Variants in KCNJ15 observed in about 807,000 individuals in gnomAD.
The protein encoded by KCNJ15 is ATP-sensitive inward rectifier potassium channel 15.
A neutral mutation model predicts 23.0 loss-of-function variants in KCNJ15; 14 were observed. That is an observed-to-expected ratio of 0.61 (90% confidence interval 0.40 to 0.95). KCNJ15 has a LOEUF of 0.95. Among genes scored for constraint, KCNJ15 ranks in the 40% least tolerant of loss-of-function variants. The probability of loss-of-function intolerance (pLI) is 0.00; values close to 1 mark genes in which losing one functional copy is unlikely to be tolerated. For missense variants in KCNJ15, 388 were observed against 461.8 expected, an observed-to-expected ratio of 0.84 and a Z score of 1.46; for synonymous variants, 185 against 183.2, an observed-to-expected ratio of 1.01 and a Z score of -0.08.
chr21:38,288,026 C>CTTGTTTTTTTTTTTTTTTT (rs1984110378), intron 1 of KCNJ15, among the ~76,000 whole-genome samples: 1 of 78,170 alleles, frequency 1.3e-5, no homozygotes, highest in Non-Finnish European at 2.3e-5. Context: ...TTGTTTTTTT[C>CTTGTTTTTTTTTTTTTTTT]TTTGTTTTTT....
intron 1 of KCNJ15, among the ~76,000 whole-genome samples, chr21:38,286,075 C>G (rs915689880): frequency 6.6e-5 from 10 of 152,098 alleles, no homozygotes; most frequent in African/African-American, 2.4e-4. Context: ...AACCTCGTCT[C>G]TACTAAAAAT....
intron 1 of KCNJ15, among the ~76,000 whole-genome samples, chr21:38,242,994 CA>C (rs1979115020): frequency 6.6e-6 from 1 of 152,114 alleles, no homozygotes; most frequent in Non-Finnish European, 1.5e-5. Flanking sequence ...AAGGAAGAAA[CA>C]AAGATAGGGA....
In KCNJ15 at chr21:38,299,924, C is replaced by G. The variant is rs1413754495; in HGVS notation, c.663C>G (p.Val221=). 6.2e-7 allele frequency: 1 copy of G among 1,614,070 alleles called. No homozygotes were observed. The highest frequency in any genetic ancestry group is 1.1e-5 in the South Asian group (1 of 91,084). The change falls in exon 3 of 3, where the codon GTC becomes GTG. Residue 221 remains valine (V), a synonymous_variant. Coordinates refer to ENST00000398938, the MANE Select transcript of KCNJ15 (RefSeq NM_170736.3). This position sits in a 1 kb window ranked among gnomAD's most constrained non-coding sequence, Gnocchi z 4.5. Reference sequence around the variant, plus strand: ...CTGGCAAGCTCCTGCAGACCCACGTCACCAAGGAGGGGGAGCGGATTCTCC... The same window carrying G: ...CTGGCAAGCTCCTGCAGACCCACGTGACCAAGGAGGGGGAGCGGATTCTCC... ...QLSGKLLQTH[V]TKEGERILLN...
chr21:38,302,826 A>T lies in KCNJ15; in HGVS notation c.*2437A>T, dbSNP rs1474698693. On this transcript the variant is annotated 3_prime_UTR_variant, in exon 3 of 3. Coordinates refer to ENST00000398938, the MANE Select transcript of KCNJ15 (RefSeq NM_170736.3). The stretch of plus-strand genomic sequence containing the variant: ...TCATTTAGCATATCAATTTCAGCCA[A>T]ATTTGGAAGACTTGATCATCTTATC... 2 of 152,200 alleles carry T rather than the reference A, an allele frequency of 1.3e-5. No homozygotes were observed. The highest frequency in any genetic ancestry group is 2.9e-5 in the Non-Finnish European group (2 of 68,022). The allele number at this position is 152,200 out of a possible 1,614,324, so 9.4% of individuals were successfully genotyped here. A position where few individuals can be genotyped will look rare whatever the true frequency, so the allele number is the denominator to read the frequency against.
intron 1 of KCNJ15, among the ~76,000 whole-genome samples, chr21:38,281,267 A>T (rs541637805): frequency 6.6e-6 from 1 of 152,272 alleles, no homozygotes; most frequent in Non-Finnish European, 1.5e-5. Flanking sequence ...AACAAATTAC[A>T]TATATTTTAT....
intron 1 of KCNJ15, among the ~76,000 whole-genome samples, chr21:38,266,186 G>A (rs1981443976): frequency 6.6e-6 from 1 of 152,176 alleles, no homozygotes. Flanking sequence ...TGTGCAGAAT[G>A]TGGAGGTTTG....
intron 1 of KCNJ15, among the ~76,000 whole-genome samples, chr21:38,269,220 C>T (rs1267170471): frequency 6.6e-6 from 1 of 152,160 alleles, no homozygotes; most frequent in Non-Finnish European, 1.5e-5. Context: ...TTCATACGTT[C>T]TTTTTGTTCT....
At chr21:38,276,664 T>A (rs968541711) in intron 1 of KCNJ15, among the ~76,000 whole-genome samples, 1 of 152,186 alleles carries the variant, frequency 6.6e-6, no homozygotes, top group Non-Finnish European at 1.5e-5. Flanking sequence ...GACACAAGTT[T>A]ATCAATGTGA....
chr21:38,261,329 G>T (rs1980873662), intron 1 of KCNJ15, among the ~76,000 whole-genome samples: 1 of 152,190 alleles, frequency 6.6e-6, no homozygotes, highest in Admixed American at 6.5e-5. Context: ...TAAGTACAAG[G>T]ATTTGGATAG....
At chr21:38,280,344 C>T (rs1479852524) in intron 1 of KCNJ15, among the ~76,000 whole-genome samples, 1 of 152,156 alleles carries the variant, frequency 6.6e-6, no homozygotes, top group Non-Finnish European at 1.5e-5. Flanking sequence ...TAATAGGGCA[C>T]ACATACATGA....
At chr21:38,267,062 G>T (rs1981538862) in intron 1 of KCNJ15, among the ~76,000 whole-genome samples, 1 of 152,178 alleles carries the variant, frequency 6.6e-6, no homozygotes, top group Non-Finnish European at 1.5e-5. Flanking sequence ...TGAAGACCTG[G>T]ACCAGCATGG....
At chr21:38,234,890 C>CA (rs1418090976) in intron 1 of KCNJ15, among the ~76,000 whole-genome samples, 2 of 152,194 alleles carry the variant, frequency 1.3e-5, no homozygotes, top group Admixed American at 6.5e-5. Flanking sequence ...AATCTGGCAA[C>CA]AGAGATGTTT....
rs546546829 is a variant in KCNJ15, at chr21:38,251,484, A to C, written c.-398-5562A>C. 7.9e-5 allele frequency among the ~76,000 whole-genome samples: 12 copies of C among 152,318 alleles called. No homozygotes were observed. The South Asian group carries it at 2.5e-3, about 32-fold the overall frequency. On this transcript the variant is annotated intron_variant, in intron 1 of 4. Transcript: ENST00000547341. Reference sequence around the variant, plus strand: ...ACCAACTAACTCCAGTAGAAGTTTAAAGGACACTTCCATACGGAGCCCCTA... The same window carrying C: ...ACCAACTAACTCCAGTAGAAGTTTACAGGACACTTCCATACGGAGCCCCTA...
chr21:38,271,210 C>T (rs1229259986), intron 1 of KCNJ15, among the ~76,000 whole-genome samples: 1 of 152,222 alleles, frequency 6.6e-6, no homozygotes, highest in Admixed American at 6.5e-5. Context: ...TTAAATTTCC[C>T]TTCATAGAAA....
intron 1 of KCNJ15, among the ~76,000 whole-genome samples, chr21:38,270,588 G>T (rs1260333678): frequency 1.3e-5 from 2 of 152,220 alleles, no homozygotes; most frequent in Admixed American, 6.5e-5. Context: ...GAAGATCTGA[G>T]ATTTGAACCC....
chr21:38,233,111 TTA>T (rs1978377719), intron 1 of KCNJ15, among the ~76,000 whole-genome samples: 2 of 152,054 alleles, frequency 1.3e-5, no homozygotes, highest in African/African-American at 2.4e-5. Context: ...AGTTTTTGCT[TTA>T]TGTATTTTGG....
At position 38,300,590 on chromosome 21, in the gene KCNJ15, T is replaced by C; in HGVS notation, c.*201T>C. ...GAGAGATTTCCTGTTAGGTGCTTCG[T>C]CTGAAAGTGAACTCTCATAATTCAA... On this transcript the variant is annotated 3_prime_UTR_variant, in exon 3 of 3. Coordinates refer to ENST00000398938, the MANE Select transcript of KCNJ15 (RefSeq NM_170736.3). 3.6e-6 allele frequency: 2 copies of C among 550,472 alleles called. No individual in the cohort carries two copies. Among genetic ancestry groups the C allele is most frequent in the Admixed American group, 3.6e-5 (1 of 27,600 alleles). The allele number at this position is 550,472 out of a possible 1,614,324, so 34.1% of individuals were successfully genotyped here.
At chr21:38,252,839 G>C (rs1230153612), upstream of KCNJ15, among the ~76,000 whole-genome samples, 1 of 152,188 alleles carries the variant, frequency 6.6e-6, no homozygotes, top group Non-Finnish European at 1.5e-5. Flanking sequence ...CCCTGTGAAT[G>C]TTCTGCACTG....
intron 1 of KCNJ15, among the ~76,000 whole-genome samples, chr21:38,247,057 AATGG>A (rs1234072753): frequency 0.017 from 2,054 of 119,984 alleles, 20 homozygotes; most frequent in Middle Eastern, 0.026. Context: ...TGGATGGGTG[AATGG>A]ATGGATGGAT....
Sources: allele counts gnomAD v4.1 joint callset (sites outside exome capture counted in the v4.1 genomes callset), GRCh38; gene constraint gnomAD v4.1.1; non-coding constraint Gnocchi (gnomAD v3.1); transcripts MANE v1.5; gene names NCBI Gene and HGNC (gene_info 2026-07-23, HGNC 2026-07-21).